TMEM45A: variants seen among roughly 807,000 people sequenced by gnomAD.
TMEM45A encodes DNA polymerase-transactivated protein 4.
Under a neutral mutation model 32.0 loss-of-function variants are expected in TMEM45A, and 25 were observed. The observed-to-expected ratio is 0.78, with a 90% confidence interval of 0.57 to 1.09. The LOEUF is 1.09. TMEM45A is among the 50% of genes least tolerant of loss of function. The pLI is 0.00. For synonymous variants in TMEM45A, 122 were observed against 114.8 expected (o/e 1.06, Z -0.40); for missense variants, 302 against 325.0 (o/e 0.93, Z 0.54).
intron 1 of TMEM45A, among the ~76,000 whole-genome samples, chr3:100,545,265 A>G (rs1370643113): frequency 2.0e-5 from 3 of 152,178 alleles, no homozygotes; most frequent in African/African-American, 7.2e-5. Context: ...TAAAGTTGGA[A>G]TTTCATAACT....
chr3:100,554,645 T>C (rs943959200), intron 1 of TMEM45A, among the ~76,000 whole-genome samples: 1 of 152,230 alleles, frequency 6.6e-6, no homozygotes, highest in Admixed American at 6.5e-5. Context: ...ACTTGATGCT[T>C]GATATTTTGA....
intron 1 of TMEM45A, among the ~76,000 whole-genome samples, chr3:100,531,481 A>C (rs906134268): frequency 6.6e-6 from 1 of 152,250 alleles, no homozygotes; most frequent in Non-Finnish European, 1.5e-5. Flanking sequence ...GATCATGAGG[A>C]TAGCAAGCAG....
rs188686786 is a variant in TMEM45A at position 100,497,604 on chromosome 3, A to C, written c.-4+4676A>C. On this transcript the variant is annotated intron_variant, in intron 1 of 5. Transcript: ENST00000323523. ...TTCTGGAACCAATATTCTACTTGCT[A>C]TTTTTATGAATTTGACTATTCTAGG... Among the ~76,000 whole-genome samples the C allele has an allele frequency of 5.3e-5, 8 of 152,222 alleles. No homozygotes were observed. The South Asian group carries it at 1.4e-3, about 28-fold the overall frequency.
intron 5 of TMEM45A, 50 bp from the exon 6 acceptor site, chr3:100,576,875 G>A (rs770179796): frequency 7.1e-7 from 1 of 1,410,448 alleles, no homozygotes; most frequent in Non-Finnish European, 1.0e-6. Flanking sequence ...ATTGCTCTGG[G>A]TTTCTATTTT....
At position 100,568,939 on chromosome 3, in the gene TMEM45A, G is replaced by A. The variant is rs765084110; in HGVS notation, c.706G>A (p.Val236Ile). ...GCATTATGCAGTAACCATTGTCATC[G>A]TTGGAATGAATTATGCTTTCATTAC... ...CWHYAVTIVI[V>I]GMNYAFITWL... The change falls in exon 5 of 6, where the codon GTT becomes ATT. Residue 236 changes from valine (V) to isoleucine (I), a missense_variant. Transcript: ENST00000323523. The A allele has an allele frequency of 6.2e-6, 10 of 1,613,006 alleles. No individual in the cohort carries two copies. The East Asian group carries it at 1.1e-4, about 18-fold the overall frequency.
intron 1 of TMEM45A, among the ~76,000 whole-genome samples, chr3:100,502,256 A>G (rs1321406587): frequency 1.3e-5 from 2 of 150,206 alleles, no homozygotes; most frequent in Non-Finnish European, 3.0e-5. Context: ...TGTCCTTTCA[A>G]TTTGAGGATC....
At chr3:100,534,407 A>G (rs921643139) in intron 1 of TMEM45A, among the ~76,000 whole-genome samples, 9 of 152,190 alleles carry the variant, frequency 5.9e-5, no homozygotes, top group Non-Finnish European at 8.8e-5. Flanking sequence ...CGGACTCAGA[A>G]GAAGGAGATG....
At chr3:100,534,826 G>A (rs555487978) in intron 1 of TMEM45A, among the ~76,000 whole-genome samples, 1 of 152,300 alleles carries the variant, frequency 6.6e-6, no homozygotes, top group African/African-American at 2.4e-5. Context: ...GCCACCAGAT[G>A]TCTTTAAGAT....
At chr3:100,534,063 G>T (rs184813095) in intron 1 of TMEM45A, among the ~76,000 whole-genome samples, 9 of 152,228 alleles carry the variant, frequency 5.9e-5, no homozygotes, top group African/African-American at 2.2e-4. Flanking sequence ...TTGCTCTTCT[G>T]TCTCCCAGGC....
At chr3:100,570,478 C>G (rs1384098710) in intron 5 of TMEM45A, 4 of 152,312 alleles carry the variant, frequency 2.6e-5, no homozygotes, top group Non-Finnish European at 4.4e-5. Context: ...GTTCTAGGTG[C>G]TTTGGGTACT....
At chr3:100,564,385 T>C (rs1484066992) in intron 4 of TMEM45A, among the ~76,000 whole-genome samples, 1 of 152,194 alleles carries the variant, frequency 6.6e-6, no homozygotes, top group Non-Finnish European at 1.5e-5. Flanking sequence ...CAGATAGTTC[T>C]ATTTTTACAA....
chr3:100,520,782 A>C (rs1262352694), intron 1 of TMEM45A, among the ~76,000 whole-genome samples: 2 of 152,172 alleles, frequency 1.3e-5, no homozygotes, highest in African/African-American at 2.4e-5. Flanking sequence ...GACCCAACAT[A>C]GTGAAAGGAG....
chr3:100,555,101 G>A, intron 1 of TMEM45A, 108 bp from the exon 2 acceptor site: 1 of 954,780 alleles, frequency 1.0e-6, no homozygotes, highest in Non-Finnish European at 1.6e-6. Flanking sequence ...CCTCAGTGAT[G>A]TATCCATAAT....
intron 1 of TMEM45A, among the ~76,000 whole-genome samples, chr3:100,528,773 A>G (rs1160086057): frequency 1.3e-5 from 2 of 152,240 alleles, no homozygotes. Flanking sequence ...TTTAATTTAT[A>G]AATGAAATAT....
intron 4 of TMEM45A, among the ~76,000 whole-genome samples, chr3:100,559,930 TG>T (rs1706297758): frequency 6.6e-6 from 1 of 152,050 alleles, no homozygotes; most frequent in Non-Finnish European, 1.5e-5. Flanking sequence ...AAGAAACTTG[TG>T]GGCTGGATGT....
chr3:100,510,098 G>T (rs1448767284), intron 1 of TMEM45A, among the ~76,000 whole-genome samples: 3 of 152,238 alleles, frequency 2.0e-5, no homozygotes, highest in Admixed American at 6.5e-5. Context: ...TGAGAAGCTC[G>T]AACTGGGTGG....
At chr3:100,500,325 A>G (rs910238407) in intron 1 of TMEM45A, among the ~76,000 whole-genome samples, 11 of 152,328 alleles carry the variant, frequency 7.2e-5, no homozygotes, top group African/African-American at 2.4e-4. Flanking sequence ...TCTCGTGAAC[A>G]TACTGTGTCC....
At chr3:100,562,453 T>G (rs918449725) in intron 4 of TMEM45A, among the ~76,000 whole-genome samples, 1 of 152,242 alleles carries the variant, frequency 6.6e-6, no homozygotes, top group African/African-American at 2.4e-5. Flanking sequence ...AATCTTTAGC[T>G]TTCAGCATTA....
At chr3:100,506,312 G>A (rs908682864) in intron 1 of TMEM45A, among the ~76,000 whole-genome samples, 1 of 152,080 alleles carries the variant, frequency 6.6e-6, no homozygotes, top group Non-Finnish European at 1.5e-5. Context: ...CTGCATCTAA[G>A]TTACTTAAGC....
Sources: allele counts gnomAD v4.1 joint callset (sites outside exome capture counted in the v4.1 genomes callset), GRCh38; gene constraint gnomAD v4.1.1; transcripts MANE v1.5; gene names NCBI Gene and HGNC (gene_info 2026-07-23, HGNC 2026-07-21).